The following KBTBD12 variants were observed in gnomAD, a reference collection of about 807,000 sequenced individuals.
KBTBD12 encodes kelch repeat and BTB domain-containing protein 12.
A neutral mutation model predicts 58.7 loss-of-function variants in KBTBD12; 53 were observed. The observed-to-expected ratio is 0.90, with a 90% CI of 0.72 to 1.14. KBTBD12 has a LOEUF of 1.14. Ranked by LOEUF, KBTBD12 falls within the 50% of genes most tolerant of loss-of-function variation. The pLI is 0.00. For synonymous variants in KBTBD12, 236 were observed against 259.8 expected, an observed-to-expected ratio of 0.91 and a Z score of 0.88; for missense variants, 704 against 751.3, an observed-to-expected ratio of 0.94 and a Z score of 0.74.
intron 2 of KBTBD12, among the ~76,000 whole-genome samples, chr3:127,926,189 T>A (rs6792916): frequency 0.02 from 3,017 of 152,234 alleles, 103 homozygotes; most frequent in African/African-American, 0.063. Flanking sequence ...GTATTTTCTC[T>A]CCCTGTTTCA....
At chr3:127,924,530 CTTTA>C (rs1396012304) in intron 2 of KBTBD12, among the ~76,000 whole-genome samples, 4 of 151,624 alleles carry the variant, frequency 2.6e-5, no homozygotes, top group Admixed American at 2.6e-4. Context: ...TCAATCTTAG[CTTTA>C]TTTATCCATA....
chr3:127,969,841 C>T (rs1940651033), intron 5 of KBTBD12, among the ~76,000 whole-genome samples: 1 of 152,028 alleles, frequency 6.6e-6, no homozygotes, highest in African/African-American at 2.4e-5. Flanking sequence ...AAAATCTAAA[C>T]ATACAACCTA....
rs35158488 is a variant in KBTBD12, at chr3:127,936,374, GAA to G, written c.1492+6103_1492+6104del. On this transcript the variant is annotated intron_variant, in intron 4 of 5. Coordinates refer to ENST00000405109, the MANE Select transcript of KBTBD12 (RefSeq NM_207335.4). ...GAGCAAGACTCCGCTCAGGAGTACA[GAA>G]AAAAAAAAAAATGACATGAAAAATA... is the stretch of plus-strand genomic sequence containing the variant. Among the ~76,000 whole-genome samples, 4 of 138,676 alleles carry G rather than the reference GAA, an allele frequency of 2.9e-5. No homozygotes were observed. In the South Asian group the frequency reaches 9.2e-4, roughly 32 times the overall value. 91.0% of individuals were successfully genotyped at this position (138,676 alleles called of 152,430 possible).
Position 127,982,090 on chromosome 3 carries a change from C to G in KBTBD12, c.1691-2007C>G, listed in dbSNP as rs137962151. ...TCTCTCTGTGTCCTTCCAGGCTGGCCTCTATAGACAGCATTAAAGGTTCCT... is the reference window on the plus strand; with the variant it reads ...TCTCTCTGTGTCCTTCCAGGCTGGCGTCTATAGACAGCATTAAAGGTTCCT... On this transcript the variant is annotated intron_variant, in intron 5 of 5. Coordinates refer to ENST00000405109, the MANE Select transcript of KBTBD12 (RefSeq NM_207335.4). Among the ~76,000 whole-genome samples, 437 of 152,276 alleles carry G rather than the reference C, an allele frequency of 2.9e-3. 2 individuals carry two copies. Among genetic ancestry groups the G allele is most frequent in the African/African-American group, 9.8e-3 (406 of 41,550 alleles).
rs1318907440 is a variant in KBTBD12, at chr3:127,986,208, T to C, written c.*1930T>C. The C allele has an allele frequency of 1.3e-5, 2 of 152,642 alleles. No homozygotes were observed. The highest frequency in any genetic ancestry group is 4.8e-5 in the African/African-American group (2 of 41,446). The allele number at this position is 152,642 out of a possible 1,614,324, so 9.5% of individuals were successfully genotyped here. A position where few individuals can be genotyped will look rare whatever the true frequency, so the allele number is the denominator to read the frequency against. The stretch of plus-strand genomic sequence containing the variant: ...CCCCGCTCTGCTACTTAGCTAACCA[T>C]GTGAACTTGGGCAAGATGACCTTTC... On this transcript the variant is annotated 3_prime_UTR_variant, in exon 6 of 6. Transcript: ENST00000405109.
intron 4 of KBTBD12, among the ~76,000 whole-genome samples, chr3:127,940,458 C>A (rs2107598441): frequency 6.6e-6 from 1 of 152,258 alleles, no homozygotes; most frequent in African/African-American, 2.4e-5. Flanking sequence ...TTGAGCAACT[C>A]ATTTCTAAAT....
chr3:127,952,820 C>T (rs1242783922), intron 4 of KBTBD12, among the ~76,000 whole-genome samples: 2 of 152,208 alleles, frequency 1.3e-5, no homozygotes, highest in Non-Finnish European at 2.9e-5. Flanking sequence ...GCAGGATAAT[C>T]GGAATCATTT....
chr3:127,987,072 A>T lies in KBTBD12; in HGVS notation c.*2794A>T, dbSNP rs575334842. 3 of 152,386 alleles carry T rather than the reference A, an allele frequency of 2.0e-5. No individual in the cohort carries two copies. Among genetic ancestry groups the T allele is most frequent in the Non-Finnish European group, 4.4e-5 (3 of 68,164 alleles). The allele number at this position is 152,386 out of a possible 1,614,324, so 9.4% of individuals were successfully genotyped here. On this transcript the variant is annotated 3_prime_UTR_variant, in exon 6 of 6. Transcript: ENST00000405109. ...TGCCAAGGGAGGACCGAGAAGGGGC[A>T]TGACCTCTGCTGGAGCCAGGAGGGC...
At chr3:127,973,546 TTA>T (rs1302116468) in intron 5 of KBTBD12, among the ~76,000 whole-genome samples, 1 of 152,166 alleles carries the variant, frequency 6.6e-6, no homozygotes, top group East Asian at 1.9e-4. Flanking sequence ...TGGTTTGTGA[TTA>T]TGTAAAGGAA....
chr3:127,981,229 G>A (rs1024137668), intron 5 of KBTBD12, among the ~76,000 whole-genome samples: 1 of 152,142 alleles, frequency 6.6e-6, no homozygotes, highest in African/African-American at 2.4e-5. Flanking sequence ...CTTGTTCCAT[G>A]TGCTTCTTCA....
intron 4 of KBTBD12, among the ~76,000 whole-genome samples, chr3:127,956,037 G>A (rs941643232): frequency 9.9e-5 from 15 of 152,212 alleles, no homozygotes; most frequent in Non-Finnish European, 1.6e-4. Context: ...CATGGCCAAA[G>A]AAGTCAGACA....
At chr3:127,962,563 C>T (rs573705478) in intron 4 of KBTBD12, among the ~76,000 whole-genome samples, 25 of 152,176 alleles carry the variant, frequency 1.6e-4, no homozygotes, top group Non-Finnish European at 3.1e-4. Context: ...TTTCAGAACT[C>T]CTTATTATAA....
intron 4 of KBTBD12, among the ~76,000 whole-genome samples, chr3:127,945,270 C>T (rs1447807094): frequency 7.0e-6 from 1 of 143,146 alleles, no homozygotes; most frequent in South Asian, 2.3e-4. Context: ...CTGCAAGCTC[C>T]GCCTCCCAGG....
chr3:127,923,264 A>G lies in KBTBD12; in HGVS notation c.203A>G (p.Asn68Ser), dbSNP rs1209703904. ...TTCACCTGTGGACTACTTGAATGTA[A>G]TCAAAGGGAAGTCATACTTTATGAC... Reference protein sequence around the residue: ...AMFTCGLLECNQREVILYDIT... With the variant: ...AMFTCGLLECSQREVILYDIT... Residue 68 changes from asparagine (N) to serine (S), a missense_variant, in exon 2 of 6, where the codon AAT becomes AGT. Coordinates refer to ENST00000405109, the MANE Select transcript of KBTBD12 (RefSeq NM_207335.4). 1.2e-6 allele frequency: 2 copies of G among 1,613,666 alleles called. No homozygotes were observed. Among genetic ancestry groups the G allele is most frequent in the Non-Finnish European group, 8.5e-7 (1 of 1,179,760 alleles).
At chr3:127,934,427 T>C (rs933130996) in intron 4 of KBTBD12, among the ~76,000 whole-genome samples, 1 of 151,968 alleles carries the variant, frequency 6.6e-6, no homozygotes, top group African/African-American at 2.4e-5. Flanking sequence ...TGGAGAAAAA[T>C]TAGCAGGGCT....
chr3:127,952,796 A>G (rs927631660), intron 4 of KBTBD12, among the ~76,000 whole-genome samples: 1 of 152,238 alleles, frequency 6.6e-6, no homozygotes, highest in Non-Finnish European at 1.5e-5. Context: ...CACCACAGGG[A>G]AAGATTTAGG....
At chr3:127,925,076 TCTA>T (rs1939532083) in intron 2 of KBTBD12, among the ~76,000 whole-genome samples, 1 of 152,134 alleles carries the variant, frequency 6.6e-6, no homozygotes, top group Non-Finnish European at 1.5e-5. Flanking sequence ...AATGAAGAGG[TCTA>T]CTATTTGTCT....
At chr3:127,953,141 G>A (rs1940243383) in intron 4 of KBTBD12, among the ~76,000 whole-genome samples, 1 of 152,210 alleles carries the variant, frequency 6.6e-6, no homozygotes, top group South Asian at 2.1e-4. Flanking sequence ...CTTGGCATAT[G>A]AGAAGTGCTC....
chr3:127,939,122 T>G (rs1281219246), intron 4 of KBTBD12, among the ~76,000 whole-genome samples: 2 of 152,192 alleles, frequency 1.3e-5, no homozygotes, highest in Non-Finnish European at 2.9e-5. Flanking sequence ...TTTTCTCTCT[T>G]TTCTCTGTAC....
Sources: gnomAD v4.1 joint callset for allele counts (sites outside exome capture counted in the v4.1 genomes callset) on GRCh38, gnomAD v4.1.1 for gene constraint, MANE v1.5 for transcripts, NCBI Gene and HGNC (gene_info 2026-07-23, HGNC 2026-07-21) for gene names.